Variants in FSCN3 observed in about 807,000 individuals in gnomAD.
FSCN3 encodes the protein fascin-3.
Under a neutral mutation model 53.5 loss-of-function variants are expected in FSCN3, and 43 were observed. The ratio of observed to expected loss-of-function variants is 0.80; its 90% confidence interval spans 0.63 to 1.04. FSCN3 has a LOEUF of 1.04. FSCN3 is among the 50% of genes least tolerant of loss of function. FSCN3 has a pLI of 0.00. For synonymous variants in FSCN3, 235 were observed against 246.6 expected (o/e 0.95, Z 0.44); for missense variants, 594 against 646.5 (o/e 0.92, Z 0.88).
intron 5 of FSCN3, among the ~76,000 whole-genome samples, chr7:127,599,894 A>G (rs1293125988): frequency 6.6e-6 from 1 of 151,544 alleles, no homozygotes; most frequent in Non-Finnish European, 1.5e-5. Context: ...GCAGTGAGCC[A>G]AGATCACGCC....
Position 127,595,902 on chromosome 7 carries a change from G to T in FSCN3, c.740G>T (p.Gly247Val). The stretch of plus-strand genomic sequence containing the variant: ...GGCACGCATCTGCTCTTGGGCATGG[G>T]CTGCAACCCCATGAGGGGTGAGGAG... Reference protein sequence around the residue: ...PQGTHLLLGMGCNPMRGEEWF... With the variant: ...PQGTHLLLGMVCNPMRGEEWF... Residue 247 changes from glycine (G) to valine (V), a missense_variant, in exon 2 of 7, where the codon GGC becomes GTC. Coordinates refer to ENST00000265825, the MANE Select transcript of FSCN3 (RefSeq NM_020369.3). 6.2e-7 allele frequency: 1 copy of T among 1,613,088 alleles called. No homozygotes were observed. Among genetic ancestry groups the T allele is most frequent in the Non-Finnish European group, 8.5e-7 (1 of 1,179,450 alleles).
At chr7:127,595,281 C>T in intron 1 of FSCN3, 26 bp from the exon 2 acceptor site, 1 of 1,578,550 alleles carries the variant, frequency 6.3e-7, no homozygotes. Context: ...TACTGATTTC[C>T]CTCTTCTCCC....
chr7:127,600,676 G>T (rs1794460378), intron 6 of FSCN3, among the ~76,000 whole-genome samples: 1 of 152,178 alleles, frequency 6.6e-6, no homozygotes, highest in Non-Finnish European at 1.5e-5. Flanking sequence ...ACAGGGTGAG[G>T]TGTTCTTGTA....
intron 1 of FSCN3, 91 bp downstream of exon 1, chr7:127,594,088 A>G (rs13308237): frequency 0.2 from 188,096 of 931,280 alleles, 12,832 homozygotes; most frequent in African/African-American, 0.25. Context: ...GCGTGAGTGT[A>G]TGTGTGTGTG....
chr7:127,595,591 T>G lies in FSCN3; in HGVS notation c.429T>G (p.His143Gln), dbSNP rs143220210. 3.1e-6 allele frequency: 5 copies of G among 1,614,122 alleles called. No homozygotes were observed. In the East Asian group the frequency reaches 1.1e-4, roughly 36 times the overall value. ...TGTGGACCCCCCGACCAGCCCTCCA[T>G]GTCCACGTGATCCTCTACAGCCCCA... ...YHMWTPRPAL[H>Q]VHVILYSPIH... The change falls in exon 2 of 7, where the codon CAT becomes CAG. Residue 143 changes from histidine to glutamine, a missense_variant. Coordinates refer to ENST00000265825, the MANE Select transcript of FSCN3 (RefSeq NM_020369.3).
rs1794434366 is a variant in FSCN3 at position 127,599,259 on chromosome 7, G to A, written c.1121-122G>A. 5.5e-6 allele frequency: 4 copies of A among 731,448 alleles called. No individual in the cohort carries two copies. In the South Asian group the frequency reaches 6.6e-5, roughly 12 times the overall value. 45.3% of individuals were successfully genotyped at this position (731,448 alleles called of 1,614,324 possible). ...TAGCATAAGACCTGACACATAGTAG[G>A]TGTTCATTCACTGTTAAAATATTGA... On this transcript the variant is annotated intron_variant, in intron 4 of 6. Coordinates refer to ENST00000265825, the MANE Select transcript of FSCN3 (RefSeq NM_020369.3).
chr7:127,599,346 A>AACCC, intron 4 of FSCN3, 35 bp from the exon 5 acceptor site: 2 of 1,582,164 alleles, frequency 1.3e-6, no homozygotes, highest in Non-Finnish European at 8.7e-7. Context: ...ACCTAAAGGC[A>AACCC]GCCCATCCAG....
chr7:127,593,997 G>T lies in FSCN3; in HGVS notation c.144G>T (p.Gln48His), dbSNP rs764811413. 29 of 1,612,690 alleles carry T rather than the reference G, an allele frequency of 1.8e-5. No individual in the cohort carries two copies. Among genetic ancestry groups the T allele is most frequent in the Non-Finnish European group, 2.4e-5 (28 of 1,179,568 alleles). Residue 48 changes from glutamine to histidine, a missense_variant and splice_region_variant, in exon 1 of 7, where the codon CAG (glutamine) becomes CAT (histidine). By Grantham distance (24) the Gln-to-His change is conservative. Coordinates refer to ENST00000265825, the MANE Select transcript of FSCN3 (RefSeq NM_020369.3). ...TATAKSLGRRQTWEILVSNEH... is the reference protein window; with the variant it reads ...TATAKSLGRRHTWEILVSNEH... ...CTGCGAAGAGTTTGGGCAGGAGACAGGTGACAAAGCAAACCCATGCTGGCA... is the reference window on the plus strand; with the variant it reads ...CTGCGAAGAGTTTGGGCAGGAGACATGTGACAAAGCAAACCCATGCTGGCA...
At chr7:127,600,938 A>G (rs1794465266) in intron 6 of FSCN3, among the ~76,000 whole-genome samples, 1 of 152,166 alleles carries the variant, frequency 6.6e-6, no homozygotes, top group South Asian at 2.1e-4. Flanking sequence ...CTAAAAATCA[A>G]CATAGCTGAT....
Position 127,595,526 on chromosome 7 carries a change from G to T in FSCN3, c.364G>T (p.Asp122Tyr). 6.2e-7 allele frequency: 1 copy of T among 1,614,118 alleles called. No individual in the cohort carries two copies. The highest frequency in any genetic ancestry group is 8.5e-7 in the Non-Finnish European group (1 of 1,179,952). The change falls in exon 2 of 7, where the codon GAC (aspartate) becomes TAC (tyrosine). Residue 122 changes from aspartate (D) to tyrosine (Y), a missense_variant. Transcript: ENST00000265825. Reference sequence around the variant, plus strand: ...TCGTTATTTGGAGTCCAATGGCAAGGACGTGTTTTGCACTTCCCACGTCCT... The same window carrying T: ...TCGTTATTTGGAGTCCAATGGCAAGTACGTGTTTTGCACTTCCCACGTCCT... ...SGRYLESNGK[D>Y]VFCTSHVLSA...
At chr7:127,594,069 C>CGTGTGTGTGCGTGAGTGTATGTGT in intron 1 of FSCN3, 72 bp downstream of exon 1, 1 of 1,437,108 alleles carries the variant, frequency 7.0e-7, no homozygotes, top group South Asian at 1.2e-5. Context: ...TGCGCGCGCG[C>CGTGTGTGTGCGTGAGTGTATGTGT]GTGTGTGTGC....
At chr7:127,598,368 A>G in intron 3 of FSCN3, 67 bp from the exon 4 acceptor site, 1 of 1,454,418 alleles carries the variant, frequency 6.9e-7, no homozygotes, top group Non-Finnish European at 9.6e-7. Context: ...TAGGAATAAA[A>G]CTGATGGGAA....
At chr7:127,596,226 T>G (rs1587540735) in intron 2 of FSCN3, 102 bp from the exon 3 acceptor site, 4 of 1,529,178 alleles carry the variant, frequency 2.6e-6, no homozygotes, top group Non-Finnish European at 3.5e-6. Flanking sequence ...CAACAGAAAG[T>G]GATGAAGTTT....
Position 127,595,779 on chromosome 7 carries a change from T to C in FSCN3, c.617T>C (p.Phe206Ser). The C allele has an allele frequency of 1.2e-6, 2 of 1,613,954 alleles. No homozygotes were observed. Among genetic ancestry groups the C allele is most frequent in the Non-Finnish European group, 8.5e-7 (1 of 1,179,882 alleles). Residue 206 changes from phenylalanine (F) to serine (S), a missense_variant, in exon 2 of 7, where the codon TTC becomes TCC. Phe to Ser is a radical substitution (Grantham distance 155). Transcript: ENST00000265825. ...HHFLSHVDRL[F>S]SQPSSQTAFH... ...TTCTTGTCCCATGTAGACCGGCTGTTCTCCCAACCCTCATCACAGACAGCT... is the reference window on the plus strand; with the variant it reads ...TTCTTGTCCCATGTAGACCGGCTGTCCTCCCAACCCTCATCACAGACAGCT...
At chr7:127,601,027 C>A (rs1794466992) in intron 6 of FSCN3, among the ~76,000 whole-genome samples, 1 of 152,224 alleles carries the variant, frequency 6.6e-6, no homozygotes, top group Non-Finnish European at 1.5e-5. Context: ...ATTCCCTCCT[C>A]CCAAATGCTC....
Position 127,598,471 on chromosome 7 carries a change from CT to C in FSCN3, c.998del (p.Leu333ArgfsTer34), listed in dbSNP as rs1562956508. On this transcript the variant is annotated frameshift_variant, in exon 4 of 7. Coordinates refer to ENST00000265825, the MANE Select transcript of FSCN3 (RefSeq NM_020369.3). LOFTEE classifies it high-confidence loss of function. ...GGCAGTAATGGCTGATGGGCACCCC[CT>C]GGAGTCTGACACGTTCTTCCGAATG... ...HRAVMADGHP[L>X]ESDTFFRMHW... 6 of 1,613,956 alleles carry C rather than the reference CT, an allele frequency of 3.7e-6. No homozygotes were observed. Among genetic ancestry groups the C allele is most frequent in the Non-Finnish European group, 5.1e-6 (6 of 1,179,968 alleles).
intron 6 of FSCN3, among the ~76,000 whole-genome samples, chr7:127,600,828 C>T (rs1439117322): frequency 6.6e-6 from 1 of 152,166 alleles, no homozygotes. Context: ...CCCTGGGTCT[C>T]TTGAATATTT....
At chr7:127,596,643 T>G (rs925986991) in intron 3 of FSCN3, 197 bp downstream of exon 3, 2 of 383,984 alleles carry the variant, frequency 5.2e-6, no homozygotes, top group African/African-American at 4.1e-5. Context: ...AAGGTATAAT[T>G]TGAAAGTTTG....
intron 3 of FSCN3, 22 bp from the exon 4 acceptor site, chr7:127,598,413 C>G: frequency 6.2e-7 from 1 of 1,610,796 alleles, no homozygotes; most frequent in Admixed American, 1.7e-5. Flanking sequence ...CTCCTCATCT[C>G]TGTTTCTGAC....
Sources: gnomAD v4.1 joint callset for allele counts (sites outside exome capture counted in the v4.1 genomes callset) on GRCh38, gnomAD v4.1.1 for gene constraint, MANE v1.5 for transcripts, NCBI Gene and HGNC (gene_info 2026-07-23, HGNC 2026-07-21) for gene names.